The following NPAS2 variants were observed in gnomAD, a reference collection of about 807,000 sequenced individuals.
NPAS2 encodes the protein neuronal PAS domain-containing protein 2.
NPAS2 carries 23 observed loss-of-function variants against 107.5 expected under a neutral mutation model. That is an observed-to-expected ratio of 0.21 (90% CI 0.15 to 0.30). NPAS2 has a LOEUF of 0.30. NPAS2 is among the 10% of genes least tolerant of loss of function. The pLI, the probability that NPAS2 is intolerant of heterozygous loss-of-function variation, is 1.00. For synonymous variants in NPAS2, 403 were observed against 417.5 expected, an observed-to-expected ratio of 0.97 and a Z score of 0.42; for missense variants, 756 against 1,043.3, an observed-to-expected ratio of 0.72 and a Z score of 3.79.
In NPAS2 at chr2:100,866,334, ATAC is replaced by A. The variant is rs1679254237; in HGVS notation, c.-22-38396_-22-38394del. ...TTTTATTCCCCTCCCTGTAAGAAAA[ATAC>A]TAGAGAAGTAGAGCTAAGTTCACTT... On this transcript the variant is annotated intron_variant, in intron 1 of 20. Transcript: ENST00000335681. Among the ~76,000 whole-genome samples, 3 of 152,328 alleles carry A rather than the reference ATAC, an allele frequency of 2.0e-5. No individual in the cohort carries two copies. The South Asian group carries it at 6.2e-4, about 32-fold the overall frequency.
chr2:100,824,584 G>A (rs1357903205), intron 1 of NPAS2, among the ~76,000 whole-genome samples: 5 of 152,052 alleles, frequency 3.3e-5, no homozygotes, highest in Non-Finnish European at 5.9e-5. Flanking sequence ...AACTAGTGCC[G>A]AGCGTGTTGG....
chr2:100,824,221 G>A (rs903134968), intron 1 of NPAS2, among the ~76,000 whole-genome samples: 20 of 152,300 alleles, frequency 1.3e-4, no homozygotes, highest in African/African-American at 4.1e-4. Context: ...ACCCAAGGCC[G>A]GCCGTGGAGA....
Position 100,982,382 on chromosome 2 carries a change from T to C in NPAS2, c.1629+5T>C. ...GTCCAGGACTCCAACGTCCAGGTGA[T>C]CCCCTTCCCGGGCTGGCCTCTGTCC... On this transcript the variant is annotated splice_donor_5th_base_variant and intron_variant, in intron 16 of 20. Transcript: ENST00000335681. 1 of 1,613,586 alleles carries C rather than the reference T, an allele frequency of 6.2e-7. No homozygotes were observed. Among genetic ancestry groups the C allele is most frequent in the Non-Finnish European group, 8.5e-7 (1 of 1,179,948 alleles).
chr2:100,927,484 G>A (rs1416271872), intron 3 of NPAS2, among the ~76,000 whole-genome samples: 1 of 152,266 alleles, frequency 6.6e-6, no homozygotes, highest in East Asian at 1.9e-4. Context: ...GGGAACCAAC[G>A]ACCCAGGTCA....
At chr2:100,846,799 T>C (rs1297543313) in intron 1 of NPAS2, 1 of 152,196 alleles carries the variant, frequency 6.6e-6, no homozygotes, top group Non-Finnish European at 1.5e-5. Flanking sequence ...GCCTTACATA[T>C]GTTAACTCAT....
At chr2:100,953,527 C>T (rs192023594) in intron 7 of NPAS2, among the ~76,000 whole-genome samples, 2 of 152,142 alleles carry the variant, frequency 1.3e-5, no homozygotes, top group East Asian at 1.9e-4. Context: ...AAAAAAAGCT[C>T]ACCCTAGGAG....
intron 7 of NPAS2, among the ~76,000 whole-genome samples, chr2:100,950,628 A>T (rs1421744709): frequency 6.6e-6 from 1 of 152,248 alleles, no homozygotes. Context: ...AAAGGCTCCA[A>T]CTAGATGCTA....
At chr2:100,866,002 G>A (rs1216583154) in intron 1 of NPAS2, among the ~76,000 whole-genome samples, 1 of 152,086 alleles carries the variant, frequency 6.6e-6, no homozygotes, top group Non-Finnish European at 1.5e-5. Flanking sequence ...ACAGCCCAGG[G>A]TGACCCGCCC....
intron 2 of NPAS2, among the ~76,000 whole-genome samples, chr2:100,908,529 C>T (rs995472215): frequency 3.9e-5 from 6 of 152,076 alleles, no homozygotes; most frequent in Non-Finnish European, 7.4e-5. Flanking sequence ...AAATGGAAGC[C>T]GCTCCTTTTG....
chr2:100,847,754 G>A (rs1415006441), intron 1 of NPAS2, among the ~76,000 whole-genome samples: 1 of 152,196 alleles, frequency 6.6e-6, no homozygotes, highest in Non-Finnish European at 1.5e-5. Flanking sequence ...TTGTAGTGAA[G>A]TTTTCTCCTA....
chr2:100,982,521 C>G, intron 16 of NPAS2, 144 bp downstream of exon 16: 2 of 931,806 alleles, frequency 2.1e-6, no homozygotes, highest in Non-Finnish European at 3.2e-6. Flanking sequence ...ATATTGCAGT[C>G]TCTGCAAAGG....
At chr2:100,956,650 C>CA (rs909724409) in intron 7 of NPAS2, among the ~76,000 whole-genome samples, 5 of 152,156 alleles carry the variant, frequency 3.3e-5, no homozygotes, top group Non-Finnish European at 1.5e-5. Flanking sequence ...GGCCACCACT[C>CA]AAAAATCACA....
rs115758418 is a variant in NPAS2 at position 100,897,000 on chromosome 2, C to T, written c.-22-7733C>T. On this transcript the variant is annotated intron_variant, in intron 1 of 20. Coordinates refer to ENST00000335681, the MANE Select transcript of NPAS2 (RefSeq NM_002518.4). ...CCACAGTTCACATGGCTGAGGAGGC[C>T]GCAGGAAACTTACAATCATGGCGGA... Among the ~76,000 whole-genome samples the T allele has an allele frequency of 4.1e-3, 631 of 152,216 alleles. 1 individual carries two copies. Among genetic ancestry groups the T allele is most frequent in the South Asian group, 8.3e-3 (40 of 4,814 alleles).
chr2:100,945,659 G>A (rs958525349), intron 5 of NPAS2, among the ~76,000 whole-genome samples: 4 of 152,000 alleles, frequency 2.6e-5, no homozygotes, highest in South Asian at 4.2e-4. Flanking sequence ...ATGGCTTCTC[G>A]CCCTCCCTGT....
At chr2:100,993,660 A>G in intron 20 of NPAS2, 133 bp downstream of exon 20, 1 of 652,266 alleles carries the variant, frequency 1.5e-6, no homozygotes, top group Non-Finnish European at 2.4e-6. Context: ...TAAGCCCCAG[A>G]AAGATTGTTA....
At chr2:100,841,437 T>A (rs1677392089) in intron 1 of NPAS2, among the ~76,000 whole-genome samples, 1 of 152,170 alleles carries the variant, frequency 6.6e-6, no homozygotes, top group Non-Finnish European at 1.5e-5. Flanking sequence ...CGAAACTCCG[T>A]CTCAAAAGAA....
At chr2:100,939,483 G>A (rs1674449041) in intron 5 of NPAS2, among the ~76,000 whole-genome samples, 1 of 152,188 alleles carries the variant, frequency 6.6e-6, no homozygotes, top group African/African-American at 2.4e-5. Flanking sequence ...TGGCCAGGAA[G>A]CTAGTGATGG....
intron 1 of NPAS2, among the ~76,000 whole-genome samples, chr2:100,854,196 C>G (rs1678412500): frequency 6.6e-6 from 1 of 150,622 alleles, no homozygotes; most frequent in African/African-American, 2.4e-5. Flanking sequence ...TGGAGTCCTG[C>G]CTTTGAGTCT....
chr2:100,835,156 A>C (rs1370489073), intron 1 of NPAS2, among the ~76,000 whole-genome samples: 1 of 152,052 alleles, frequency 6.6e-6, no homozygotes, highest in Admixed American at 6.5e-5. Flanking sequence ...AGTCACTTGG[A>C]GGGAAGCACT....
Sources: gnomAD v4.1 joint callset for allele counts (sites outside exome capture counted in the v4.1 genomes callset) on GRCh38, gnomAD v4.1.1 for gene constraint, MANE v1.5 for transcripts, NCBI Gene and HGNC (gene_info 2026-07-23, HGNC 2026-07-21) for gene names.